ZNF431: variants seen among roughly 807,000 people sequenced by gnomAD.
ZNF431 encodes the protein zinc finger protein 431.
ZNF431 carries 34 observed loss-of-function variants against 57.0 expected under a neutral mutation model. The observed-to-expected ratio is 0.60, with a 90% CI of 0.45 to 0.79. The LOEUF (loss-of-function observed/expected upper bound fraction) is 0.79, where lower values mean the gene tolerates loss of function less well. ZNF431 is among the 30% of genes least tolerant of loss of function. ZNF431 has a pLI of 0.00. For missense variants in ZNF431, 607 were observed against 667.1 expected (o/e 0.91, Z 0.99); for synonymous variants, 207 against 220.3 (o/e 0.94, Z 0.54).
intron 2 of ZNF431, among the ~76,000 whole-genome samples, chr19:21,163,162 A>G (rs928260278): frequency 4.6e-5 from 7 of 152,234 alleles, no homozygotes; most frequent in African/African-American, 1.7e-4. Context: ...ACTCTTGAGC[A>G]GATAGTACCT....
chr19:21,183,789 T>C lies in ZNF431; in HGVS notation c.1486T>C (p.Ser496Pro). The change falls in exon 5 of 5, where the codon TCC becomes CCC. Residue 496 changes from serine to proline, a missense_variant. Transcript: ENST00000311048. ...CEECGKAFNR[S>P]SNLTKHKIIH... ...AGAATGTGGCAAAGCTTTTAACCGA[T>C]CCTCAAATCTTACTAAACATAAGAT... 6.2e-7 allele frequency: 1 copy of C among 1,613,974 alleles called. No individual in the cohort carries two copies. Among genetic ancestry groups the C allele is most frequent in the East Asian group, 2.2e-5 (1 of 44,864 alleles).
intron 2 of ZNF431, among the ~76,000 whole-genome samples, chr19:21,155,017 G>T (rs1328434921): frequency 1.3e-5 from 2 of 152,116 alleles, no homozygotes; most frequent in African/African-American, 2.4e-5. Flanking sequence ...AGAAGCTCTT[G>T]AGTTTAATTA....
At chr19:21,149,807 C>T (rs1970215801) in intron 2 of ZNF431, 2 of 649,744 alleles carry the variant, frequency 3.1e-6, no homozygotes, top group East Asian at 6.6e-5. Flanking sequence ...AGCCAAAGCA[C>T]CTTTGTCTTC....
chr19:21,190,254 T>G lies in ZNF431; in HGVS notation c.*6220T>G, dbSNP rs1212351035. ...CAACCACATTGTCTTTATTTACTCA[T>G]TAGATGTTGAACTGTTTATTCTGTA... On this transcript the variant is annotated 3_prime_UTR_variant, in exon 5 of 5. Coordinates refer to ENST00000311048, the MANE Select transcript of ZNF431 (RefSeq NM_133473.4). 1 of 176,738 alleles carries G rather than the reference T, an allele frequency of 5.7e-6. No individual in the cohort carries two copies. The highest frequency in any genetic ancestry group is 2.4e-5 in the African/African-American group (1 of 42,520). 10.9% of individuals were successfully genotyped at this position (176,738 alleles called of 1,614,324 possible).
chr19:21,167,744 CA>C lies in ZNF431; in HGVS notation c.319+80del, dbSNP rs1390402216. The C allele has an allele frequency of 8.0e-6, 8 of 994,770 alleles. No homozygotes were observed. The Admixed American group carries it at 1.6e-4, about 20-fold the overall frequency. The allele number at this position is 994,770 out of a possible 1,614,324, so 61.6% of individuals were successfully genotyped here. A position where few individuals can be genotyped will look rare whatever the true frequency, so the allele number is the denominator to read the frequency against. On this transcript the variant is annotated intron_variant, in intron 4 of 4. Coordinates refer to ENST00000311048, the MANE Select transcript of ZNF431 (RefSeq NM_133473.4). ...AAAAAAAAAAATGTGCCAGTCCTTACAATGTGTTTTGGGAAGCTGTGTTATA... is the reference window on the plus strand; with the variant it reads ...AAAAAAAAAAATGTGCCAGTCCTTACATGTGTTTTGGGAAGCTGTGTTATA...
chr19:21,173,234 G>A (rs975014810), intron 4 of ZNF431, among the ~76,000 whole-genome samples: 12 of 152,148 alleles, frequency 7.9e-5, no homozygotes, highest in Admixed American at 6.5e-4. Context: ...GTGAGTAAGG[G>A]TACAATAAAC....
chr19:21,145,431 C>T (rs748766506), intron 2 of ZNF431, among the ~76,000 whole-genome samples: 5 of 152,156 alleles, frequency 3.3e-5, no homozygotes, highest in African/African-American at 7.2e-5. Flanking sequence ...GAGCCAAGAT[C>T]GCGCCACTGC....
At chr19:21,156,489 G>A (rs976394853) in intron 2 of ZNF431, among the ~76,000 whole-genome samples, 5 of 152,068 alleles carry the variant, frequency 3.3e-5, no homozygotes, top group South Asian at 2.1e-4. Context: ...GCGTAAAACC[G>A]AACAGGTATT....
intron 3 of ZNF431, among the ~76,000 whole-genome samples, chr19:21,167,310 C>T (rs112699775): frequency 0.16 from 24,553 of 151,748 alleles, 2,244 homozygotes; most frequent in African/African-American, 0.25. Context: ...CAGGCACCTG[C>T]CACCATGCCC....
intron 4 of ZNF431, 65 bp downstream of exon 4, chr19:21,167,731 G>C (rs1970763089): frequency 9.9e-7 from 1 of 1,009,378 alleles, no homozygotes; most frequent in Non-Finnish European, 1.4e-6. Context: ...AAAAAAAAAT[G>C]TGCCAGTCCT....
chr19:21,190,642 T>C lies in ZNF431; in HGVS notation c.*6608T>C, dbSNP rs1186351404. The C allele has an allele frequency of 6.7e-6, 1 of 148,882 alleles. No homozygotes were observed. Among genetic ancestry groups the C allele is most frequent in the Non-Finnish European group, 1.5e-5 (1 of 67,658 alleles). The allele number at this position is 148,882 out of a possible 1,614,324, so 9.2% of individuals were successfully genotyped here. ...TATGTATGACTTTTCTTGAAAAATA[T>C]TTATTTCAGCTATTTCCTTTTTTTT... On this transcript the variant is annotated 3_prime_UTR_variant, in exon 5 of 5. Coordinates refer to ENST00000311048, the MANE Select transcript of ZNF431 (RefSeq NM_133473.4).
At chr19:21,150,257 C>T in intron 2 of ZNF431, 1 of 510,062 alleles carries the variant, frequency 2.0e-6, no homozygotes, top group Non-Finnish European at 3.7e-6. Context: ...TTTGCTGCTG[C>T]AACCTGATAT....
Position 21,142,143 on chromosome 19 carries a change from G to T in ZNF431, c.-41G>T. 2 of 1,611,818 alleles carry T rather than the reference G, an allele frequency of 1.2e-6. No individual in the cohort carries two copies. The highest frequency in any genetic ancestry group is 1.7e-6 in the Non-Finnish European group (2 of 1,178,560). On this transcript the variant is annotated 5_prime_UTR_variant, in exon 1 of 5. Coordinates refer to ENST00000311048, the MANE Select transcript of ZNF431 (RefSeq NM_133473.4). The stretch of plus-strand genomic sequence containing the variant: ...GCCCTGTGACCTGCAGGTATTGGGA[G>T]ACCCACAGCTAAGACACCGGGACCC...
chr19:21,176,715 T>TG (rs1971061658), intron 4 of ZNF431, among the ~76,000 whole-genome samples: 1 of 152,114 alleles, frequency 6.6e-6, no homozygotes, highest in African/African-American at 2.4e-5. Context: ...TTATTTTTTT[T>TG]CAGACAGAGT....
At chr19:21,172,607 C>T (rs1046813311) in intron 4 of ZNF431, among the ~76,000 whole-genome samples, 2 of 151,942 alleles carry the variant, frequency 1.3e-5, no homozygotes, top group Middle Eastern at 3.2e-3. Context: ...TTGAGACTAG[C>T]CTGGGCAACA....
rs1971489525 is a variant in ZNF431 at position 21,190,587 on chromosome 19, T to C, written c.*6553T>C. The stretch of plus-strand genomic sequence containing the variant: ...TGTCTTTTTGTGATAATAGTCAACA[T>C]TGAGCATTTAAAAATATATCCGTTG... On this transcript the variant is annotated 3_prime_UTR_variant, in exon 5 of 5. Transcript: ENST00000311048. 6.6e-6 allele frequency: 1 copy of C among 152,154 alleles called. No homozygotes were observed. Among genetic ancestry groups the C allele is most frequent in the South Asian group, 2.1e-4 (1 of 4,828 alleles). The allele number at this position is 152,154 out of a possible 1,614,324, so 9.4% of individuals were successfully genotyped here. A position where few individuals can be genotyped will look rare whatever the true frequency, so the allele number is the denominator to read the frequency against.
chr19:21,185,148 G>T lies in ZNF431; in HGVS notation c.*1114G>T, dbSNP rs943268551. On this transcript the variant is annotated 3_prime_UTR_variant, in exon 5 of 5. Coordinates refer to ENST00000311048, the MANE Select transcript of ZNF431 (RefSeq NM_133473.4). The stretch of plus-strand genomic sequence containing the variant: ...CTATGCAAATATCAGAGAATTTATG[G>T]TAGAAATATATAAGGTACTGACACT... 1.3e-5 allele frequency: 2 copies of T among 152,070 alleles called. No homozygotes were observed. Among genetic ancestry groups the T allele is most frequent in the African/African-American group, 2.4e-5 (1 of 41,402 alleles). The allele number at this position is 152,070 out of a possible 1,614,324, so 9.4% of individuals were successfully genotyped here. A position where few individuals can be genotyped will look rare whatever the true frequency, so the allele number is the denominator to read the frequency against.
chr19:21,144,498 C>G (rs1970029147), intron 2 of ZNF431, among the ~76,000 whole-genome samples: 1 of 152,020 alleles, frequency 6.6e-6, no homozygotes, highest in African/African-American at 2.4e-5. Flanking sequence ...GCCACTGTGC[C>G]TGGCAGGTAG....
intron 2 of ZNF431, among the ~76,000 whole-genome samples, chr19:21,157,085 A>G (rs984356867): frequency 6.6e-6 from 1 of 150,864 alleles, no homozygotes; most frequent in Non-Finnish European, 1.5e-5. Flanking sequence ...ACCATACCAT[A>G]TTATTTTAAT....
Sources: allele counts gnomAD v4.1 joint callset (sites outside exome capture counted in the v4.1 genomes callset), GRCh38; gene constraint gnomAD v4.1.1; transcripts MANE v1.5; gene names NCBI Gene and HGNC (gene_info 2026-07-23, HGNC 2026-07-21).